Variants in GPC6 observed in about 807,000 individuals in gnomAD.
The protein encoded by GPC6 is glypican 6.
GPC6 carries 14 observed loss-of-function variants against 55.2 expected under a neutral mutation model. That is an observed-to-expected ratio of 0.25 (90% CI 0.17 to 0.40). The LOEUF (loss-of-function observed/expected upper bound fraction) is 0.40, where lower values mean the gene tolerates loss of function less well. GPC6 is among the 10% of genes least tolerant of loss of function. The pLI, the probability that GPC6 is intolerant of heterozygous loss-of-function variation, is 1.00. For missense variants in GPC6, 641 were observed against 708.5 expected (o/e 0.90, Z 1.08); for synonymous variants, 278 against 259.6 (o/e 1.07, Z -0.68).
chr13:93,635,993 G>A lies in GPC6; in HGVS notation c.319+90572G>A, dbSNP rs553235062. ...TTCTTTCAAGGAGAGGACAAAACTC[G>A]GCTCCACATTGCATAATTCTAACAC... is the stretch of plus-strand genomic sequence containing the variant. On this transcript the variant is annotated intron_variant, in intron 2 of 8. Coordinates refer to ENST00000377047, the MANE Select transcript of GPC6 (RefSeq NM_005708.5). Among the ~76,000 whole-genome samples the A allele has an allele frequency of 2.6e-5, 4 of 152,056 alleles. No homozygotes were observed. In the South Asian group the frequency reaches 8.3e-4, roughly 32 times the overall value.
chr13:93,257,405 A>G (rs1876992174), intron 1 of GPC6, among the ~76,000 whole-genome samples: 1 of 152,238 alleles, frequency 6.6e-6, no homozygotes, highest in Admixed American at 6.5e-5. Context: ...TTCTCTCGTT[A>G]TAGCAAAAGT....
chr13:93,796,292 G>C (rs1886195148), intron 2 of GPC6, among the ~76,000 whole-genome samples: 1 of 152,122 alleles, frequency 6.6e-6, no homozygotes, highest in Non-Finnish European at 1.5e-5. Flanking sequence ...AGAGGAAAAA[G>C]AACTGTATTT....
intron 6 of GPC6, among the ~76,000 whole-genome samples, chr13:94,308,189 C>T (rs1876055578): frequency 2.6e-5 from 4 of 152,220 alleles, no homozygotes; most frequent in Admixed American, 1.3e-4. Context: ...CCTTCATCCC[C>T]GGGAGAAATA....
chr13:94,046,563 A>G (rs1048492486), intron 4 of GPC6, among the ~76,000 whole-genome samples: 25 of 152,234 alleles, frequency 1.6e-4, no homozygotes, highest in East Asian at 3.9e-4. Context: ...TGGAAAATGT[A>G]ATTTTCATAA....
At chr13:94,316,167 A>AACTT (rs1876510599) in intron 6 of GPC6, among the ~76,000 whole-genome samples, 1 of 151,900 alleles carries the variant, frequency 6.6e-6, no homozygotes, top group South Asian at 2.1e-4. Flanking sequence ...TGAAAGAACT[A>AACTT]ACTTAAAAAA....
intron 2 of GPC6, among the ~76,000 whole-genome samples, chr13:93,733,361 G>A (rs1249374157): frequency 6.6e-6 from 1 of 151,778 alleles, no homozygotes; most frequent in Non-Finnish European, 1.5e-5. Flanking sequence ...TTTATATATG[G>A]TTCATGACGA....
At chr13:93,354,530 T>C (rs1191835058) in intron 1 of GPC6, among the ~76,000 whole-genome samples, 6 of 149,910 alleles carry the variant, frequency 4.0e-5, no homozygotes, top group Non-Finnish European at 7.4e-5. Flanking sequence ...TTTTTTTTTT[T>C]TTTTTTTGGA....
rs60016264 is a variant in GPC6, at chr13:94,135,074, C to T, written c.877+107180C>T. Among the ~76,000 whole-genome samples the T allele has an allele frequency of 7.9e-3, 1,203 of 152,214 alleles. 49 individuals are homozygous for T. The highest frequency in any genetic ancestry group is 0.054 in the Admixed American group (827 of 15,278). On this transcript the variant is annotated intron_variant, in intron 4 of 8. Coordinates refer to ENST00000377047, the MANE Select transcript of GPC6 (RefSeq NM_005708.5). ...GTGTTTTCTTCAGAAATAAGGACTA[C>T]GAAGCCACAGACCTCAAGTCCCTTT... is the stretch of plus-strand genomic sequence containing the variant.
At chr13:93,724,090 A>C (rs76530711) in intron 2 of GPC6, among the ~76,000 whole-genome samples, 1 of 148,808 alleles carries the variant, frequency 6.7e-6, no homozygotes, top group South Asian at 2.1e-4. Context: ...TTTAATGGCT[A>C]TTTTTTTTTT....
At chr13:93,702,381 G>GT (rs1018499438) in intron 2 of GPC6, among the ~76,000 whole-genome samples, 59 of 151,912 alleles carry the variant, frequency 3.9e-4, no homozygotes, top group Admixed American at 1.0e-3. Flanking sequence ...TCTGAGCTTT[G>GT]TTTTTTTGTT....
intron 2 of GPC6, among the ~76,000 whole-genome samples, chr13:93,689,625 A>G (rs1299171145): frequency 2.0e-5 from 3 of 152,112 alleles, no homozygotes; most frequent in Admixed American, 6.6e-5. Flanking sequence ...TTGTATGTAT[A>G]TGGTCCTATT....
intron 1 of GPC6, among the ~76,000 whole-genome samples, chr13:93,532,871 A>T (rs914748062): frequency 1.3e-5 from 2 of 152,056 alleles, no homozygotes; most frequent in African/African-American, 4.8e-5. Context: ...TAAAGGAGCT[A>T]TTTTTTGCAG....
rs199964477 is a variant in GPC6, at chr13:93,925,240, T to C, written c.711+94695T>C. Among the ~76,000 whole-genome samples the C allele has an allele frequency of 4.6e-5, 7 of 152,276 alleles. No individual in the cohort carries two copies. In the East Asian group the frequency reaches 9.7e-4, roughly 21 times the overall value. On this transcript the variant is annotated intron_variant, in intron 3 of 8. Coordinates refer to ENST00000377047, the MANE Select transcript of GPC6 (RefSeq NM_005708.5). ...TTAAGCAGTGGAGCAGAAATTCAAA[T>C]AGAGGTCAGAGGTCTCCTTAACTCC...
chr13:93,457,300 C>T (rs928606032), intron 1 of GPC6, among the ~76,000 whole-genome samples: 3 of 152,158 alleles, frequency 2.0e-5, no homozygotes, highest in African/African-American at 7.2e-5. Context: ...CACCCTACTC[C>T]ACTATGACCT....
At chr13:93,545,447 T>G (rs761152015) in intron 2 of GPC6, 26 bp downstream of exon 2, 2 of 1,594,982 alleles carry the variant, frequency 1.3e-6, no homozygotes, top group Non-Finnish European at 1.7e-6. Context: ...TTCACTTCAG[T>G]TTGTTATAGG....
At chr13:93,462,635 AT>A (rs541554018) in intron 1 of GPC6, among the ~76,000 whole-genome samples, 2 of 144,308 alleles carry the variant, frequency 1.4e-5, no homozygotes, top group South Asian at 4.6e-4. Flanking sequence ...TTTTGTAAAA[AT>A]TGAAAAAAAA....
intron 2 of GPC6, among the ~76,000 whole-genome samples, chr13:93,607,184 G>A (rs1055889862): frequency 6.6e-6 from 1 of 152,082 alleles, no homozygotes; most frequent in Admixed American, 6.6e-5. Context: ...GTATTATAAA[G>A]TCTTATTCGG....
At chr13:94,028,081 A>G (rs1190391383) in intron 4 of GPC6, among the ~76,000 whole-genome samples, 187 bp downstream of exon 4, 1 of 152,090 alleles carries the variant, frequency 6.6e-6, no homozygotes, top group Admixed American at 6.5e-5. Context: ...CCTGGACAAC[A>G]TAGTGAGATT....
chr13:93,958,623 T>C (rs7325794), intron 3 of GPC6, among the ~76,000 whole-genome samples: 25,656 of 152,200 alleles, frequency 0.17, 2,251 homozygotes, highest in East Asian at 0.27. Context: ...CAAAGTTGAA[T>C]AGTGTGGTGC....
Sources: allele counts gnomAD v4.1 joint callset (sites outside exome capture counted in the v4.1 genomes callset), GRCh38; gene constraint gnomAD v4.1.1; transcripts MANE v1.5; gene names NCBI Gene and HGNC (gene_info 2026-07-23, HGNC 2026-07-21).